The following ZNF618 variants were observed in gnomAD, a reference collection of about 807,000 sequenced individuals.
ZNF618 encodes the protein neural precursor cell expressed, developmentally down-regulated 10.
In ZNF618, 34 loss-of-function variants were observed where a neutral mutation model predicts 103.0. The observed-to-expected ratio is 0.33, with a 90% CI of 0.25 to 0.44. The LOEUF is 0.44. Ranked by LOEUF, ZNF618 falls within the 20% of genes least tolerant of loss-of-function variation. The pLI, the probability that ZNF618 is intolerant of heterozygous loss-of-function variation, is 1.00. For missense variants in ZNF618, 1,059 were observed against 1,295.4 expected (o/e 0.82, Z 2.80); for synonymous variants, 551 against 542.2 (o/e 1.02, Z -0.23).
intron 2 of ZNF618, among the ~76,000 whole-genome samples, chr9:113,973,654 T>C (rs1261938135): frequency 6.6e-6 from 1 of 152,232 alleles, no homozygotes; most frequent in African/African-American, 2.4e-5. Context: ...ACCCCACTTA[T>C]TCTAAGGGTC....
intron 9 of ZNF618, among the ~76,000 whole-genome samples, chr9:114,013,621 C>T (rs776745772): frequency 1.5e-4 from 23 of 152,070 alleles, no homozygotes; most frequent in East Asian, 1.9e-4. Flanking sequence ...TTAGTAGAGA[C>T]GGGGTTTCAC....
At chr9:113,988,233 C>T in intron 2 of ZNF618, 88 bp from the exon 3 acceptor site, 3 of 1,486,132 alleles carry the variant, frequency 2.0e-6, no homozygotes, top group Non-Finnish European at 2.7e-6. Context: ...TGCACACAGC[C>T]TGGCATGTCC....
chr9:113,969,074 C>G (rs1270257225), intron 1 of ZNF618, 43 bp from the exon 2 acceptor site: 2 of 1,613,168 alleles, frequency 1.2e-6, no homozygotes, highest in Admixed American at 3.3e-5. Context: ...AAATCTGCAT[C>G]TTCTGCCTTG....
chr9:114,041,916 G>A (rs1845221821), intron 13 of ZNF618, among the ~76,000 whole-genome samples: 2 of 152,104 alleles, frequency 1.3e-5, no homozygotes, highest in Non-Finnish European at 2.9e-5. Context: ...AAATTACTTT[G>A]GGCAGTATGG....
intron 1 of ZNF618, among the ~76,000 whole-genome samples, chr9:113,951,533 G>GTGAGTGCACATATATGTGTATATA (rs1835728713): frequency 1.2e-5 from 1 of 82,906 alleles, no homozygotes; most frequent in Admixed American, 1.3e-4. Context: ...ACACATATGT[G>GTGAGTGCACATATATGTGTATATA]TGTACATATG....
chr9:114,015,314 A>G (rs556542103), intron 9 of ZNF618, among the ~76,000 whole-genome samples: 2 of 152,364 alleles, frequency 1.3e-5, no homozygotes, highest in Admixed American at 6.5e-5. Context: ...ATATGCCTGT[A>G]GAAATGCTGG....
In ZNF618 at chr9:114,028,778, C is replaced by CT; in HGVS notation, c.891dup (p.Glu298Ter). ...CCACCGGATGATCCAGACACGGGCT[C>CT]TGAGTGTTCACATCCAGAGGTCTCC... is the stretch of plus-strand genomic sequence containing the variant. On this transcript the variant is annotated frameshift_variant, in exon 11 of 15. Transcript: ENST00000374126. LOFTEE classifies it high-confidence loss of function. The CT allele has an allele frequency of 6.4e-7, 1 of 1,550,614 alleles. No homozygotes were observed.
chr9:114,008,948 A>G (rs1842000368), intron 9 of ZNF618, among the ~76,000 whole-genome samples: 1 of 152,210 alleles, frequency 6.6e-6, no homozygotes, highest in African/African-American at 2.4e-5. Context: ...TGCCTGGTAC[A>G]TAGTAGGTGC....
At chr9:113,956,751 C>T (rs1167326102) in intron 1 of ZNF618, among the ~76,000 whole-genome samples, 1 of 152,148 alleles carries the variant, frequency 6.6e-6, no homozygotes, top group Non-Finnish European at 1.5e-5. Flanking sequence ...GTCGTCTAGG[C>T]AGTGAGACAG....
At chr9:113,952,419 CT>C (rs1835865338) in intron 1 of ZNF618, among the ~76,000 whole-genome samples, 1 of 152,218 alleles carries the variant, frequency 6.6e-6, no homozygotes, top group African/African-American at 2.4e-5. Flanking sequence ...TGTCCACCCC[CT>C]GATGACAGCC....
intron 1 of ZNF618, among the ~76,000 whole-genome samples, chr9:113,953,623 A>G (rs1453543232): frequency 6.6e-6 from 1 of 152,220 alleles, no homozygotes; most frequent in Non-Finnish European, 1.5e-5. Flanking sequence ...CATGACTCCT[A>G]CCTTGTGAAG....
At chr9:113,955,362 G>A (rs1447517924) in intron 1 of ZNF618, among the ~76,000 whole-genome samples, 1 of 151,092 alleles carries the variant, frequency 6.6e-6, no homozygotes, top group Non-Finnish European at 1.5e-5. Flanking sequence ...TAGTCTGGTT[G>A]TCTAGATTTC....
At chr9:113,907,704 C>T (rs1394873234) in intron 1 of ZNF618, among the ~76,000 whole-genome samples, 1 of 152,186 alleles carries the variant, frequency 6.6e-6, no homozygotes, top group African/African-American at 2.4e-5. Context: ...GTTTCTGCAT[C>T]GCTGGGAGGT....
At chr9:113,900,741 C>G (rs1830458214) in intron 1 of ZNF618, among the ~76,000 whole-genome samples, 1 of 139,244 alleles carries the variant, frequency 7.2e-6, no homozygotes, top group Admixed American at 7.0e-5. Flanking sequence ...TCTCCTAGCA[C>G]CGTCCTCTCG....
chr9:113,988,336 C>T lies in ZNF618; in HGVS notation c.93C>T (p.Arg31=). The change falls in exon 3 of 15, where the codon CGC becomes CGT. Residue 31 remains arginine, a synonymous_variant. Coordinates refer to ENST00000374126, the MANE Select transcript of ZNF618 (RefSeq NM_001318042.2). ...KSTASRERLK[R]SQKSTKVEGP... is the part of the protein sequence containing the mutation. ...TCTTTCCCAGGGAGCGCTTGAAGCG[C>T]AGCCAGAAGAGCACCAAGGTGGAGG... The T allele has an allele frequency of 6.2e-7, 1 of 1,612,366 alleles. No individual in the cohort carries two copies. Among genetic ancestry groups the T allele is most frequent in the Non-Finnish European group, 8.5e-7 (1 of 1,179,528 alleles).
chr9:114,027,070 C>G (rs530417627), intron 10 of ZNF618, among the ~76,000 whole-genome samples: 2 of 152,078 alleles, frequency 1.3e-5, no homozygotes, highest in South Asian at 2.1e-4. Flanking sequence ...CTCTGGGTGC[C>G]TATTGCAACA....
At position 114,049,276 on chromosome 9, in the gene ZNF618, G is replaced by A. The variant is rs745450066; in HGVS notation, c.1974G>A (p.Met658Ile). The A allele has an allele frequency of 6.2e-7, 1 of 1,612,478 alleles. No individual in the cohort carries two copies. Among genetic ancestry groups the A allele is most frequent in the South Asian group, 1.1e-5 (1 of 91,062 alleles). The stretch of plus-strand genomic sequence containing the variant: ...AGCGGACACTGCAGGCCCGCAGCAT[G>A]CACGAGGTCATCGAGCTGCTCAACG... ...LSKRTLQARS[M>I]HEVIELLNVC... The change falls in exon 15 of 15, where the codon ATG (methionine) becomes ATA (isoleucine). Residue 658 changes from methionine (M) to isoleucine (I), a missense_variant. Physicochemically the swap from Met to Ile is conservative, Grantham distance 10. This residue lies in a region of ZNF618 where 272 missense variants were observed against 380.1 expected (regional missense o/e 0.72). Transcript: ENST00000374126.
intron 1 of ZNF618, among the ~76,000 whole-genome samples, chr9:113,883,341 C>T (rs1305718575): frequency 6.6e-6 from 1 of 152,200 alleles, no homozygotes; most frequent in East Asian, 1.9e-4. Context: ...CCCCTGCCCT[C>T]CTCACTCCTT....
At chr9:113,927,569 A>C (rs893902379) in intron 1 of ZNF618, among the ~76,000 whole-genome samples, 6 of 151,862 alleles carry the variant, frequency 4.0e-5, no homozygotes, top group African/African-American at 1.5e-4. Flanking sequence ...TGCTTGTGAA[A>C]TTTTTCTTTA....
Sources: gnomAD v4.1 joint callset for allele counts (sites outside exome capture counted in the v4.1 genomes callset) on GRCh38, gnomAD v4.1.1 for gene constraint, gnomAD v4.1.1 regional missense constraint, MANE v1.5 for transcripts, NCBI Gene and HGNC (gene_info 2026-07-23, HGNC 2026-07-21) for gene names.